FBXL3: variants seen among roughly 807,000 people sequenced by gnomAD.
FBXL3 encodes the protein F-box and leucine rich repeat protein 3.
Under a neutral mutation model 37.9 loss-of-function variants are expected in FBXL3, and 14 were observed. The observed-to-expected ratio is 0.37, with a 90% confidence interval of 0.24 to 0.58. FBXL3 has a LOEUF of 0.58. Among genes scored for constraint, FBXL3 ranks in the 20% least tolerant of loss-of-function variants. FBXL3 has a pLI of 0.74. For missense variants in FBXL3, 327 were observed against 511.1 expected (o/e 0.64, Z 3.47); for synonymous variants, 194 against 180.1 (o/e 1.08, Z -0.62).
intron 4 of FBXL3, chr13:77,010,196 T>G (rs1323641584): frequency 6.6e-6 from 1 of 152,046 alleles, no homozygotes; most frequent in Non-Finnish European, 1.5e-5. Flanking sequence ...GGCACGTGTA[T>G]ATCTATGTAA....
intron 4 of FBXL3, chr13:77,015,177 T>C: frequency 3.2e-6 from 1 of 309,330 alleles, no homozygotes; most frequent in Non-Finnish European, 5.8e-6. Context: ...GTTCATTTTC[T>C]AGCATGTGCT....
rs760929977 is a variant in FBXL3 at position 77,007,173 on chromosome 13, C to T, written c.1259G>A (p.Trp420Ter). 6.2e-7 allele frequency: 1 copy of T among 1,607,978 alleles called. No homozygotes were observed. The highest frequency in any genetic ancestry group is 8.5e-7 in the Non-Finnish European group (1 of 1,175,570). Residue 420 changes from tryptophan (W) to a stop codon, truncating the protein, a stop_gained, in exon 5 of 5, where the codon TGG becomes TAG. Transcript: ENST00000355619. LOFTEE classifies it high-confidence loss of function. ...WEVSKHLGRV[W>*]FPDMMPTW ...CCAAGTGGGCATCATGTCGGGAAAC[C>T]ACACCCTACCAAGATGCTTGGACAC...
chr13:77,024,507 T>C (rs2034803284), intron 1 of FBXL3, among the ~76,000 whole-genome samples: 1 of 152,226 alleles, frequency 6.6e-6, no homozygotes, highest in African/African-American at 2.4e-5. Flanking sequence ...CATTTTACTT[T>C]AGAGTATATG....
chr13:77,014,615 C>A (rs925823184), intron 4 of FBXL3: 1 of 152,188 alleles, frequency 6.6e-6, no homozygotes, highest in African/African-American at 2.4e-5. Context: ...GAAGGCTGAC[C>A]TTTGGCAATG....
intron 4 of FBXL3, among the ~76,000 whole-genome samples, chr13:77,011,199 A>G (rs1351788446): frequency 1.3e-5 from 2 of 151,650 alleles, no homozygotes. Context: ...AATTAGCCGG[A>G]TGTGGTGGCG....
At chr13:77,026,729 C>CCCCACCCCACCCCACCCCGG (rs2034848321) in intron 1 of FBXL3, 98 bp downstream of exon 1, 1 of 127,464 alleles carries the variant, frequency 7.8e-6, no homozygotes, top group Admixed American at 8.8e-5. Context: ...CCGCGCCCCC[C>CCCCACCCCACCCCACCCCGG]CCCACCCCAC....
At chr13:77,019,388 A>T (rs2034701484) in intron 2 of FBXL3, among the ~76,000 whole-genome samples, 1 of 152,230 alleles carries the variant, frequency 6.6e-6, no homozygotes, top group Non-Finnish European at 1.5e-5. Context: ...CATCCATCAA[A>T]AAGTTAGTTG....
At chr13:77,022,825 T>C (rs972636282) in intron 1 of FBXL3, among the ~76,000 whole-genome samples, 4 of 152,234 alleles carry the variant, frequency 2.6e-5, no homozygotes, top group African/African-American at 4.8e-5. Context: ...AACAGTATTA[T>C]GGCTAAAGAG....
intron 4 of FBXL3, among the ~76,000 whole-genome samples, chr13:77,011,665 G>A (rs2034555308): frequency 6.8e-6 from 1 of 147,288 alleles, no homozygotes; most frequent in African/African-American, 2.5e-5. Flanking sequence ...CCAGACTGCA[G>A]TAAGCCAGGA....
chr13:77,021,572 C>G lies in FBXL3; in HGVS notation c.289G>C (p.Glu97Gln). 6.2e-7 allele frequency: 1 copy of G among 1,614,078 alleles called. No individual in the cohort carries two copies. Residue 97 changes from glutamate to glutamine, a missense_variant, in exon 2 of 5, where the codon GAG becomes CAG. Coordinates refer to ENST00000355619, the MANE Select transcript of FBXL3 (RefSeq NM_012158.4). ...CTTTTAATAATCTGTTTGATCAGCTCTGGATGGGTAGCTTTCAAATAAGAT... is the reference window on the plus strand; with the variant it reads ...CTTTTAATAATCTGTTTGATCAGCTGTGGATGGGTAGCTTTCAAATAAGAT... ...ATSYLKATHPELIKQIIKRHS... is the reference protein window; with the variant it reads ...ATSYLKATHPQLIKQIIKRHS...
chr13:77,012,452 AAAC>A (rs1215134492), intron 4 of FBXL3, among the ~76,000 whole-genome samples: 3 of 152,210 alleles, frequency 2.0e-5, no homozygotes, highest in African/African-American at 7.2e-5. Context: ...AAAAAGGTAA[AAAC>A]AAGTGTCCAA....
chr13:77,022,518 A>T (rs772242850), intron 1 of FBXL3, among the ~76,000 whole-genome samples: 8 of 152,140 alleles, frequency 5.3e-5, no homozygotes. Context: ...TGAGACTCTT[A>T]ATGCCTGATG....
intron 2 of FBXL3, among the ~76,000 whole-genome samples, chr13:77,019,381 C>T (rs1268625087): frequency 6.6e-6 from 1 of 152,106 alleles, no homozygotes; most frequent in Non-Finnish European, 1.5e-5. Flanking sequence ...AGGAGTTCAT[C>T]CATCAAAAAG....
Position 77,018,609 on chromosome 13 carries a change from A to G in FBXL3, c.462T>C (p.Asp154=), listed in dbSNP as rs778404612. The change falls in exon 3 of 5, where the codon GAT becomes GAC. Residue 154 remains aspartate, a synonymous_variant. Coordinates refer to ENST00000355619, the MANE Select transcript of FBXL3 (RefSeq NM_012158.4). ...CAAAAACAGCAGATACCTTTGGTAA[A>G]TCCATAAAGCTTGGTCGAGCAGTTG... The part of the protein sequence containing the change: ...LISTARPSFM[D]LPKSHFISAL... 6.3e-7 allele frequency: 1 copy of G among 1,582,572 alleles called. No homozygotes were observed.
At chr13:77,025,712 A>AAAAC (rs1423394279) in intron 1 of FBXL3, among the ~76,000 whole-genome samples, 30 of 148,036 alleles carry the variant, frequency 2.0e-4, no homozygotes, top group Non-Finnish European at 2.7e-4. Context: ...AAAAAAAAAA[A>AAAAC]CTTTGAAAGA....
chr13:77,026,410 G>A, intron 1 of FBXL3: 1 of 972,480 alleles, frequency 1.0e-6, no homozygotes, highest in Non-Finnish European at 1.2e-6. Flanking sequence ...TGACATTTCA[G>A]TGCCTCATTG....
rs2034687394 is a variant in FBXL3, at chr13:77,018,664, T to C, written c.407A>G (p.Asn136Ser). The change falls in exon 3 of 5, where the codon AAT becomes AGT. Residue 136 changes from asparagine to serine, a missense_variant. By Grantham distance (46) the Asn-to-Ser change is conservative. Transcript: ENST00000355619. Reference sequence around the variant, plus strand: ...AAGTCCAAGTGTTTTTAAAGAGCAATTCACAAGTTGCGATAGTATATCACA... The same window carrying C: ...AAGTCCAAGTGTTTTTAAAGAGCAACTCACAAGTTGCGATAGTATATCACA... ...AACDILSQLV[N>S]CSLKTLGLIS... 6.3e-7 allele frequency: 1 copy of C among 1,596,402 alleles called. No homozygotes were observed. The highest frequency in any genetic ancestry group is 8.5e-7 in the Non-Finnish European group (1 of 1,172,080).
At position 77,007,002 on chromosome 13, in the gene FBXL3, C is replaced by T. The variant is rs570586287; in HGVS notation, c.*143G>A. Reference sequence around the variant, plus strand: ...GACCAAAACTCATTCATGGGTCTTCCGATAAACAATCTTTACATATACTGA... The same window carrying T: ...GACCAAAACTCATTCATGGGTCTTCTGATAAACAATCTTTACATATACTGA... On this transcript the variant is annotated 3_prime_UTR_variant, in exon 5 of 5. Transcript: ENST00000355619. 7 of 1,419,112 alleles carry T rather than the reference C, an allele frequency of 4.9e-6. No individual in the cohort carries two copies. The African/African-American group carries it at 5.8e-5, about 12-fold the overall frequency. 87.9% of individuals were successfully genotyped at this position (1,419,112 alleles called of 1,614,324 possible).
intron 3 of FBXL3, chr13:77,016,485 G>A (rs1349578295): frequency 6.6e-6 from 1 of 151,676 alleles, no homozygotes; most frequent in Non-Finnish European, 1.5e-5. Context: ...ATTCTCTACA[G>A]GAGTGAAAAA....
Sources: gnomAD v4.1 joint callset for allele counts (sites outside exome capture counted in the v4.1 genomes callset) on GRCh38, gnomAD v4.1.1 for gene constraint, MANE v1.5 for transcripts, NCBI Gene and HGNC (gene_info 2026-07-23, HGNC 2026-07-21) for gene names.